SRD5A2: variants seen among roughly 807,000 people sequenced by gnomAD.
The protein encoded by SRD5A2 is 3-oxo-5-alpha-steroid 4-dehydrogenase 2.
A neutral mutation model predicts 27.4 loss-of-function variants in SRD5A2; 30 were observed. The ratio of observed to expected loss-of-function variants is 1.10; its 90% CI spans 0.82 to 1.49. SRD5A2 has a LOEUF of 1.49. SRD5A2 is among the 40% of genes most tolerant of loss of function. The probability of loss-of-function intolerance (pLI) is 0.00; values close to 1 mark genes in which losing one functional copy is unlikely to be tolerated. For missense variants in SRD5A2, 348 were observed against 323.4 expected, an observed-to-expected ratio of 1.08 and a Z score of -0.58; for synonymous variants, 141 against 133.6, an observed-to-expected ratio of 1.06 and a Z score of -0.38.
chr2:31,636,057 A>T, the SRD5A2 span, among the ~76,000 whole-genome samples: 1 of 151,554 alleles, frequency 6.6e-6, no homozygotes, highest in African/African-American at 2.4e-5. Context: ...AAATTTTAGG[A>T]TTTTTTTTCT....
the SRD5A2 span, among the ~76,000 whole-genome samples, chr2:31,618,359 G>A: frequency 6.6e-6 from 1 of 152,130 alleles, no homozygotes; most frequent in Non-Finnish European, 1.5e-5. Flanking sequence ...AAACTGATAT[G>A]TTGAAGAGGT....
At chr2:31,629,159 G>T in the SRD5A2 span, among the ~76,000 whole-genome samples, 2 of 152,138 alleles carry the variant, frequency 1.3e-5, no homozygotes, top group African/African-American at 4.8e-5. Flanking sequence ...GAGAAGGTTT[G>T]TCCTAATTGA....
chr2:31,628,803 A>G, the SRD5A2 span, among the ~76,000 whole-genome samples: 2 of 152,248 alleles, frequency 1.3e-5, no homozygotes, highest in African/African-American at 4.8e-5. Context: ...TTCTGCTTAC[A>G]GGTCTACTGT....
At chr2:31,564,921 T>C (rs1451178672) in intron 1 of SRD5A2, among the ~76,000 whole-genome samples, 1 of 151,918 alleles carries the variant, frequency 6.6e-6, no homozygotes, top group Non-Finnish European at 1.5e-5. Context: ...GCATCAAATA[T>C]GGCAACCACA....
the SRD5A2 span, among the ~76,000 whole-genome samples, chr2:31,662,747 G>A: frequency 6.6e-6 from 1 of 152,076 alleles, no homozygotes; most frequent in Non-Finnish European, 1.5e-5. Flanking sequence ...ACTCTCATTT[G>A]GCAGGAATTA....
intron 1 of SRD5A2, among the ~76,000 whole-genome samples, chr2:31,569,766 T>A (rs150112083): frequency 3.3e-5 from 5 of 151,014 alleles, no homozygotes; most frequent in African/African-American, 4.8e-5. Context: ...AGACCTGAAA[T>A]TAAAACCTAA....
At chr2:31,591,306 C>T in the SRD5A2 span, among the ~76,000 whole-genome samples, 11 of 152,308 alleles carry the variant, frequency 7.2e-5, no homozygotes, top group African/African-American at 2.4e-4. Context: ...CAAAAGAAGA[C>T]ATTTATGCAG....
chr2:31,620,209 A>T, the SRD5A2 span, among the ~76,000 whole-genome samples: 1 of 152,184 alleles, frequency 6.6e-6, no homozygotes, highest in Non-Finnish European at 1.5e-5. Flanking sequence ...GCCATCTATT[A>T]CAAACCCACA....
At chr2:31,637,789 T>C in the SRD5A2 span, among the ~76,000 whole-genome samples, 6 of 152,190 alleles carry the variant, frequency 3.9e-5, no homozygotes, top group East Asian at 1.2e-3. Flanking sequence ...ATCAGTTATA[T>C]TTTCTTTATT....
the SRD5A2 span, among the ~76,000 whole-genome samples, chr2:31,639,471 G>A: frequency 6.6e-6 from 1 of 151,944 alleles, no homozygotes; most frequent in Non-Finnish European, 1.5e-5. Context: ...ACATGTTAGT[G>A]TTTTTATTTT....
chr2:31,603,622 A>G, the SRD5A2 span, among the ~76,000 whole-genome samples: 2 of 152,092 alleles, frequency 1.3e-5, no homozygotes, highest in African/African-American at 2.4e-5. Flanking sequence ...TATTCACAAT[A>G]GCAAAGACAT....
At chr2:31,627,039 T>G in the SRD5A2 span, among the ~76,000 whole-genome samples, 2 of 151,932 alleles carry the variant, frequency 1.3e-5, no homozygotes, top group Non-Finnish European at 2.9e-5. Context: ...TTTCAGAACC[T>G]GTTATTGGTC....
chr2:31,532,227 G>A (rs1275846295), intron 2 of SRD5A2, among the ~76,000 whole-genome samples: 2 of 152,088 alleles, frequency 1.3e-5, no homozygotes, highest in African/African-American at 4.8e-5. Flanking sequence ...TAAGAACTAT[G>A]AATTCTGAAT....
the SRD5A2 span, among the ~76,000 whole-genome samples, chr2:31,625,800 C>T: frequency 1.3e-5 from 2 of 152,142 alleles, no homozygotes; most frequent in Non-Finnish European, 2.9e-5. Context: ...AGTGTGATGC[C>T]TCCAGCTTTG....
the SRD5A2 span, among the ~76,000 whole-genome samples, chr2:31,605,349 A>G: frequency 1.3e-5 from 2 of 152,104 alleles, no homozygotes; most frequent in South Asian, 4.1e-4. Flanking sequence ...CAGCAGAGTG[A>G]AGAGACAACC....
At chr2:31,611,812 A>G in the SRD5A2 span, among the ~76,000 whole-genome samples, 3 of 152,198 alleles carry the variant, frequency 2.0e-5, no homozygotes, top group Admixed American at 6.5e-5. Context: ...CTACTTATTT[A>G]CACAAGAAAA....
chr2:31,627,606 G>C, the SRD5A2 span, among the ~76,000 whole-genome samples: 4 of 152,076 alleles, frequency 2.6e-5, no homozygotes, highest in Admixed American at 2.6e-4. Flanking sequence ...TGGATACTTA[G>C]TAGTGTAAAC....
chr2:31,542,842 A>G (rs939043762), intron 1 of SRD5A2, among the ~76,000 whole-genome samples: 2 of 152,200 alleles, frequency 1.3e-5, no homozygotes, highest in African/African-American at 2.4e-5. Flanking sequence ...TGAGAGTCCC[A>G]GACAACGCAG....
chr2:31,636,496 A>C, the SRD5A2 span, among the ~76,000 whole-genome samples: 1 of 152,252 alleles, frequency 6.6e-6, no homozygotes, highest in Admixed American at 6.5e-5. Flanking sequence ...TTGCTCTGGC[A>C]AGGACTTCCA....
Sources: allele counts gnomAD v4.1 joint callset (sites outside exome capture counted in the v4.1 genomes callset), GRCh38; gene constraint gnomAD v4.1.1; transcripts MANE v1.5; gene names NCBI Gene and HGNC (gene_info 2026-07-23, HGNC 2026-07-21).